MAPK13: variants seen among roughly 807,000 people sequenced by gnomAD.
The protein encoded by MAPK13 is mitogen-activated protein kinase 13.
Under a neutral mutation model 53.5 loss-of-function variants are expected in MAPK13, and 39 were observed. That is an observed-to-expected ratio of 0.73 (90% CI 0.56 to 0.95). The LOEUF (loss-of-function observed/expected upper bound fraction) is 0.95. Ranked by LOEUF, MAPK13 falls within the 40% of genes least tolerant of loss-of-function variation. The pLI is 0.00. For synonymous variants in MAPK13, 179 were observed against 190.9 expected (o/e 0.94, Z 0.51); for missense variants, 460 against 471.8 (o/e 0.98, Z 0.23).
intron 7 of MAPK13, 22 bp from the exon 8 acceptor site, chr6:36,136,857 G>C: frequency 6.2e-7 from 1 of 1,613,732 alleles, no homozygotes. Context: ...CAGTCCAGGT[G>C]ACACTCTCCC....
rs532335776 is a variant in MAPK13, at chr6:36,137,554, T to C, written c.682+604T>C. On this transcript the variant is annotated intron_variant, in intron 8 of 11. Coordinates refer to ENST00000211287, the MANE Select transcript of MAPK13 (RefSeq NM_002754.5). ...GAAAAATCCCAGCTACTTGAGAGGC[T>C]GAGGTGGGAGGGTTGAGCCTGGGAG... Among the ~76,000 whole-genome samples the C allele has an allele frequency of 8.7e-5, 13 of 149,590 alleles. No homozygotes were observed. In the South Asian group the frequency reaches 2.8e-3, roughly 32 times the overall value.
chr6:36,132,218 CA>C (rs1766336054), intron 2 of MAPK13, among the ~76,000 whole-genome samples: 1 of 152,234 alleles, frequency 6.6e-6, no homozygotes, highest in Non-Finnish European at 1.5e-5. Flanking sequence ...GACCCAAGGT[CA>C]GGGGCAGGGA....
At chr6:36,137,987 T>C (rs921106924) in intron 8 of MAPK13, among the ~76,000 whole-genome samples, 56 of 137,596 alleles carry the variant, frequency 4.1e-4, no homozygotes, top group African/African-American at 1.5e-3. Context: ...AAAATGTAGA[T>C]AAGCAAAATG....
At chr6:36,131,209 G>T (rs1766313387) in intron 1 of MAPK13, 62 bp from the exon 2 acceptor site, 1 of 1,568,388 alleles carries the variant, frequency 6.4e-7, no homozygotes, top group Non-Finnish European at 8.7e-7. Flanking sequence ...AGGGGTCAGG[G>T]CGGTCTGGGA....
At chr6:36,137,665 A>AC (rs541502824) in intron 8 of MAPK13, among the ~76,000 whole-genome samples, 5,522 of 145,612 alleles carry the variant, frequency 0.038, 197 homozygotes, top group African/African-American at 0.091. Context: ...AAAAAAAAAA[A>AC]AAAACAAAAT....
rs371220881 is a variant in MAPK13 at position 36,138,818 on chromosome 6, G to A, written c.841+38G>A. 1.4e-3 allele frequency: 2,269 copies of A among 1,613,668 alleles called. 45 individuals carry two copies. In the South Asian group the frequency reaches 0.021, roughly 15 times the overall value. ...GCCCGCTCCCCAGGGGCCTCTCAGC[G>A]TATCCCAGAGGGCGGGCTCTCCCAG... On this transcript the variant is annotated intron_variant, in intron 10 of 11. Coordinates refer to ENST00000211287, the MANE Select transcript of MAPK13 (RefSeq NM_002754.5).
chr6:36,139,266 G>C (rs371238090), intron 11 of MAPK13, 28 bp from the exon 12 acceptor site: 25 of 1,603,568 alleles, frequency 1.6e-5, no homozygotes, highest in Non-Finnish European at 2.0e-5. Context: ...ACCTCTTTAC[G>C]CACCTTAAAC....
chr6:36,136,103 G>A (rs1766412022), intron 5 of MAPK13, 55 bp downstream of exon 5: 1 of 1,600,636 alleles, frequency 6.2e-7, no homozygotes, highest in East Asian at 2.2e-5. Context: ...CCCTGGGTAT[G>A]GGGTTCTCTG....
intron 3 of MAPK13, among the ~76,000 whole-genome samples, chr6:36,134,338 C>A (rs114203281): frequency 0.022 from 3,366 of 152,066 alleles, 132 homozygotes; most frequent in African/African-American, 0.074. Context: ...ACAACAACAA[C>A]AACAAAAAAC....
In MAPK13 at chr6:36,135,758, TG is replaced by T. The variant is rs1766404053; in HGVS notation, c.316del (p.Val106Ter). The part of the protein sequence containing the change: ...SSLRNFYDFY[L>X]VMPFMQTDLQ... ...GAACCCCTCATGCCTTCCAGCTACC[TG>T]GTGATGCCCTTCATGCAGACGGATC... On this transcript the variant is annotated frameshift_variant, in exon 4 of 12. Transcript: ENST00000211287. LOFTEE classifies it high-confidence loss of function. 6.2e-7 allele frequency: 1 copy of T among 1,612,178 alleles called. No homozygotes were observed. The highest frequency in any genetic ancestry group is 8.5e-7 in the Non-Finnish European group (1 of 1,178,816).
At position 36,139,520 on chromosome 6, in the gene MAPK13, G is replaced by T. The variant is rs1766491802; in HGVS notation, c.*147G>T. 3.1e-6 allele frequency: 2 copies of T among 638,758 alleles called. No individual in the cohort carries two copies. The highest frequency in any genetic ancestry group is 5.5e-6 in the Non-Finnish European group (2 of 361,252). The allele number at this position is 638,758 out of a possible 1,614,324, so 39.6% of individuals were successfully genotyped here. On this transcript the variant is annotated 3_prime_UTR_variant, in exon 12 of 12. Transcript: ENST00000211287. ...TATGTGGGAAATGGGCCTAGTAGAT[G>T]CAGAATTCAAAGATGTCGGTTGGGA...
chr6:36,136,486 C>T lies in MAPK13; in HGVS notation c.450C>T (p.Asp150=), dbSNP rs1345854335. 6.3e-6 allele frequency: 10 copies of T among 1,596,692 alleles called. No individual in the cohort carries two copies. The highest frequency in any genetic ancestry group is 8.5e-6 in the Non-Finnish European group (10 of 1,172,048). The stretch of plus-strand genomic sequence containing the variant: ...TGCATTCTCTGTCCTCCCCCCAGGA[C>T]CTGAAGCCAGGCAACCTGGCTGTGA... ...YIHSAGVVHR[D]LKPGNLAVNE... is the part of the protein sequence containing the mutation. The change falls in exon 6 of 12, where the codon GAC becomes GAT. Residue 150 remains aspartate (D), a splice_region_variant and synonymous_variant. Transcript: ENST00000211287.
chr6:36,131,782 A>G (rs1208969013), intron 2 of MAPK13, among the ~76,000 whole-genome samples: 2 of 152,156 alleles, frequency 1.3e-5, no homozygotes, highest in Non-Finnish European at 2.9e-5. Flanking sequence ...AGCACTTCCT[A>G]TGTTCTAAGA....
intron 3 of MAPK13, among the ~76,000 whole-genome samples, chr6:36,132,905 C>T (rs1343157126): frequency 6.6e-6 from 1 of 152,170 alleles, no homozygotes; most frequent in Non-Finnish European, 1.5e-5. Context: ...GCTTGCCTGG[C>T]AGGGGGCAGT....
chr6:36,130,854 C>G lies in MAPK13; in HGVS notation c.119+153C>G. 1.9e-6 allele frequency: 1 copy of G among 518,608 alleles called. No homozygotes were observed. The highest frequency in any genetic ancestry group is 3.4e-6 in the Non-Finnish European group (1 of 293,560). 32.1% of individuals were successfully genotyped at this position (518,608 alleles called of 1,614,324 possible). On this transcript the variant is annotated intron_variant, in intron 1 of 11. Coordinates refer to ENST00000211287, the MANE Select transcript of MAPK13 (RefSeq NM_002754.5). The surrounding 1 kb of genome is among the most constrained non-coding windows in gnomAD (Gnocchi z 4.5). ...CCGGGGCCACCCAGCGGCCATCTCC[C>G]TTTTCTCACCGAGTGGCTGAGTGAG...
At chr6:36,132,959 G>A (rs1362423274) in intron 3 of MAPK13, among the ~76,000 whole-genome samples, 4 of 152,214 alleles carry the variant, frequency 2.6e-5, no homozygotes, top group Non-Finnish European at 5.9e-5. Flanking sequence ...ACACCATGAA[G>A]ACACATCTGC....
At position 36,131,243 on chromosome 6, in the gene MAPK13, C is replaced by A. The variant is rs1205891714; in HGVS notation, c.120-28C>A. 3.7e-6 allele frequency: 6 copies of A among 1,603,544 alleles called. No homozygotes were observed. The South Asian group carries it at 5.6e-5, about 15-fold the overall frequency. On this transcript the variant is annotated intron_variant, in intron 1 of 11. Transcript: ENST00000211287. ...GAGATACGGCCCAGGAGGAGAGCCT[C>A]GCCTGCTGACCGGCCTGTGCCCGAC...
intron 5 of MAPK13, 143 bp downstream of exon 5, chr6:36,136,191 C>T (rs1001357875): frequency 1.7e-5 from 17 of 1,023,776 alleles, no homozygotes; most frequent in Middle Eastern, 2.3e-4. Flanking sequence ...CACCCAGCCA[C>T]GGCCCAGGAA....
intron 8 of MAPK13, among the ~76,000 whole-genome samples, chr6:36,137,958 C>A (rs796850030): frequency 0.023 from 1,903 of 83,318 alleles, 1 homozygote; most frequent in Middle Eastern, 0.026. Context: ...GACCCTGTCT[C>A]AAAAAAAAAA....
Sources: gnomAD v4.1 joint callset for allele counts (sites outside exome capture counted in the v4.1 genomes callset) on GRCh38, gnomAD v4.1.1 for gene constraint, Gnocchi (gnomAD v3.1) non-coding constraint, MANE v1.5 for transcripts, NCBI Gene and HGNC (gene_info 2026-07-23, HGNC 2026-07-21) for gene names.